Variants in HMGCLL1 observed in about 807,000 individuals in gnomAD.
HMGCLL1 encodes the protein 3-hydroxymethyl-3-methylglutaryl-CoA lyase, cytoplasmic.
Under a neutral mutation model 39.1 loss-of-function variants are expected in HMGCLL1, and 36 were observed. The observed-to-expected ratio is 0.92, with a 90% CI of 0.71 to 1.22. The LOEUF is 1.22. Among genes scored for constraint, HMGCLL1 ranks in the 50% most tolerant of loss-of-function variants. HMGCLL1 has a pLI of 0.00. For synonymous variants in HMGCLL1, 149 were observed against 144.0 expected (o/e 1.03, Z -0.25); for missense variants, 451 against 416.5 (o/e 1.08, Z -0.72).
At chr6:55,448,125 G>C (rs1413470461) in intron 7 of HMGCLL1, among the ~76,000 whole-genome samples, 1 of 151,932 alleles carries the variant, frequency 6.6e-6, no homozygotes. Context: ...TAGGAAGCTA[G>C]CCCAAGAAGA....
chr6:55,451,780 T>C (rs925013207), intron 7 of HMGCLL1, among the ~76,000 whole-genome samples: 1 of 152,114 alleles, frequency 6.6e-6, no homozygotes, highest in Non-Finnish European at 1.5e-5. Flanking sequence ...TTTAAGTGTA[T>C]TAAAAGACAA....
the HMGCLL1 span, among the ~76,000 whole-genome samples, chr6:55,613,350 T>C: frequency 1.3e-5 from 2 of 152,292 alleles, no homozygotes; most frequent in African/African-American, 4.8e-5. Flanking sequence ...TTGGTAGGAA[T>C]GTAAATTAGT....
intron 8 of HMGCLL1, among the ~76,000 whole-genome samples, chr6:55,436,194 A>G (rs1763366608): frequency 1.3e-5 from 2 of 152,166 alleles, no homozygotes; most frequent in East Asian, 3.9e-4. Context: ...CAAACTTGAA[A>G]AAGCCATAAG....
intron 1 of HMGCLL1, among the ~76,000 whole-genome samples, chr6:55,553,096 T>C (rs1770434164): frequency 1.3e-5 from 2 of 151,018 alleles, no homozygotes; most frequent in African/African-American, 4.9e-5. Context: ...TGAGCCGAGA[T>C]CGTGCCATTG....
Position 55,435,717 on chromosome 6 carries a change from T to A in HMGCLL1, c.968A>T (p.Lys323Ile). 6.2e-7 allele frequency: 1 copy of A among 1,605,802 alleles called. No individual in the cohort carries two copies. The highest frequency in any genetic ancestry group is 8.5e-7 in the Non-Finnish European group (1 of 1,174,850). The part of the protein sequence containing the change: ...KVMEAGDFIC[K>I]AVNKTTNSKV... Reference sequence around the variant, plus strand: ...AGAGTTTGTGGTTTTATTCACAGCTTTGCAAATAAAGTCACCAGCTTCCAT... The same window carrying A: ...AGAGTTTGTGGTTTTATTCACAGCTATGCAAATAAAGTCACCAGCTTCCAT... The change falls in exon 9 of 9, where the codon AAA becomes ATA. Residue 323 changes from lysine (K) to isoleucine (I), a missense_variant. Physicochemically the swap from Lys to Ile is moderately radical, Grantham distance 102 (BLOSUM62 -3). Transcript: ENST00000274901.
At chr6:55,503,155 T>C (rs1484284396) in intron 5 of HMGCLL1, among the ~76,000 whole-genome samples, 1 of 151,188 alleles carries the variant, frequency 6.6e-6, no homozygotes, top group Non-Finnish European at 1.5e-5. Context: ...TTTCTGCCCT[T>C]ACCCTGTGGA....
chr6:55,662,040 A>G, the HMGCLL1 span, among the ~76,000 whole-genome samples: 2 of 151,824 alleles, frequency 1.3e-5, no homozygotes, highest in African/African-American at 4.8e-5. Context: ...TTGATTTTCT[A>G]TCCTGAAACT....
chr6:55,629,999 C>T, the HMGCLL1 span, among the ~76,000 whole-genome samples: 1 of 152,232 alleles, frequency 6.6e-6, no homozygotes, highest in Admixed American at 6.5e-5. Flanking sequence ...ACACAGTGTC[C>T]CTATTGGGGC....
chr6:55,542,261 A>T (rs1769483637), intron 1 of HMGCLL1, 121 bp from the exon 2 acceptor site: 2 of 555,048 alleles, frequency 3.6e-6, no homozygotes, highest in Non-Finnish European at 6.3e-6. Flanking sequence ...AATACTGAAA[A>T]ATCAATACAA....
chr6:55,548,208 G>A (rs544545016), intron 1 of HMGCLL1, among the ~76,000 whole-genome samples: 85 of 152,148 alleles, frequency 5.6e-4, no homozygotes, highest in African/African-American at 1.9e-3. Context: ...CAGAAGAGAA[G>A]TGGAGAATTG....
At chr6:55,467,784 G>A (rs756765757) in intron 7 of HMGCLL1, among the ~76,000 whole-genome samples, 4 of 151,914 alleles carry the variant, frequency 2.6e-5, no homozygotes, top group African/African-American at 4.8e-5. Flanking sequence ...TGCTAGGCCC[G>A]GTGGTAGAGG....
At position 55,499,207 on chromosome 6, in the gene HMGCLL1, AAACCAAAAAAGCTGAAGATGTAGCTTAC is replaced by A. The variant is rs1247119213; in HGVS notation, c.606+1_606+28del. On this transcript the variant is annotated splice_donor_variant and splice_donor_5th_base_variant and intron_variant, in intron 6 of 8. Transcript: ENST00000274901. LOFTEE classifies it high-confidence loss of function. ...AAAATAATATATATCATGTTACCAT[AAACCAAAAAAGCTGAAGATGTAGCTTAC>A]TTCTGTCACTTTTTGCGGTGTAATA... is the stretch of plus-strand genomic sequence containing the variant. The A allele has an allele frequency of 6.3e-7, 1 of 1,575,600 alleles. No homozygotes were observed. The highest frequency in any genetic ancestry group is 1.4e-5 in the African/African-American group (1 of 73,182).
At chr6:55,568,245 C>T (rs1436449823) in intron 1 of HMGCLL1, among the ~76,000 whole-genome samples, 1 of 152,046 alleles carries the variant, frequency 6.6e-6, no homozygotes, top group African/African-American at 2.4e-5. Context: ...ATTCTGATCA[C>T]TTAGAAAAAG....
At chr6:55,448,390 TAGG>T (rs1763947709) in intron 7 of HMGCLL1, among the ~76,000 whole-genome samples, 1 of 150,716 alleles carries the variant, frequency 6.6e-6, no homozygotes, top group Non-Finnish European at 1.5e-5. Context: ...AAAAAATGAA[TAGG>T]AGAAAATGGA....
At chr6:55,591,155 A>G in the HMGCLL1 span, among the ~76,000 whole-genome samples, 3 of 151,984 alleles carry the variant, frequency 2.0e-5, no homozygotes, top group Non-Finnish European at 2.9e-5. Context: ...ATTTTTTCCA[A>G]GAGAGCTTCT....
chr6:55,557,122 A>G (rs529011518), intron 1 of HMGCLL1, among the ~76,000 whole-genome samples: 1 of 152,196 alleles, frequency 6.6e-6, no homozygotes, highest in East Asian at 1.9e-4. Context: ...TGCTCTCTCC[A>G]TTTTACTTCC....
rs575796598 is a variant in HMGCLL1 at position 55,565,783 on chromosome 6, G to C, written c.108+13165C>G. Among the ~76,000 whole-genome samples the C allele has an allele frequency of 5.3e-5, 8 of 152,126 alleles. No individual in the cohort carries two copies. The South Asian group carries it at 1.2e-3, about 24-fold the overall frequency. On this transcript the variant is annotated intron_variant, in intron 1 of 8. Coordinates refer to ENST00000274901, the MANE Select transcript of HMGCLL1 (RefSeq NM_001042406.2). ...TAAATATTAAAATACGGTCATAAGG[G>C]AATGGGGGCTAAGTGATAGTAGACA...
At chr6:55,614,905 G>A in the HMGCLL1 span, among the ~76,000 whole-genome samples, 1 of 152,122 alleles carries the variant, frequency 6.6e-6, no homozygotes, top group East Asian at 1.9e-4. Flanking sequence ...CACTTTGGGA[G>A]GCCAGGGAGG....
At chr6:55,656,850 T>C in the HMGCLL1 span, among the ~76,000 whole-genome samples, 6 of 151,962 alleles carry the variant, frequency 3.9e-5, no homozygotes, top group Admixed American at 3.9e-4. Flanking sequence ...TGAATGTTGA[T>C]GAAGGGAGAC....
Sources: gnomAD v4.1 joint callset for allele counts (sites outside exome capture counted in the v4.1 genomes callset) on GRCh38, gnomAD v4.1.1 for gene constraint, MANE v1.5 for transcripts, NCBI Gene and HGNC (gene_info 2026-07-23, HGNC 2026-07-21) for gene names.